The following TPRG1 variants were observed in gnomAD, a reference collection of about 807,000 sequenced individuals.
TPRG1 encodes the protein tumor protein p63-regulated gene 1 protein.
A neutral mutation model predicts 29.3 loss-of-function variants in TPRG1; 29 were observed. That is an observed-to-expected ratio of 0.99 (90% CI 0.74 to 1.35). The LOEUF is 1.35. TPRG1 is among the 40% of genes most tolerant of loss of function. The pLI is 0.00. For missense variants in TPRG1, 327 were observed against 335.0 expected, an observed-to-expected ratio of 0.98 and a Z score of 0.19; for synonymous variants, 130 against 116.8, an observed-to-expected ratio of 1.11 and a Z score of -0.73.
At chr3:189,098,238 G>A (rs544446178), upstream of TPRG1, among the ~76,000 whole-genome samples, 139 of 152,166 alleles carry the variant, frequency 9.1e-4, no homozygotes, top group African/African-American at 3.2e-3. Context: ...TAAAGAAAGA[G>A]GAACTAAGGA....
intron 3 of TPRG1, 53 bp from the exon 4 acceptor site, chr3:189,238,680 C>T (rs540735087): frequency 1.4e-6 from 2 of 1,480,254 alleles, no homozygotes; most frequent in African/African-American, 2.8e-5. Context: ...AAGGTCATTG[C>T]TTTTAACTTA....
At chr3:189,299,875 T>C (rs762913669) in intron 4 of TPRG1, among the ~76,000 whole-genome samples, 3 of 151,906 alleles carry the variant, frequency 2.0e-5, no homozygotes, top group Non-Finnish European at 4.4e-5. Context: ...CTGTGAGGGG[T>C]TGTGGTTTTG....
At chr3:189,310,130 T>C (rs1722248496) in intron 4 of TPRG1, 1 of 249,546 alleles carries the variant, frequency 4.0e-6, no homozygotes, top group South Asian at 1.1e-4. Context: ...TCAATATCCG[T>C]ATTTCCAGCT....
intron 4 of TPRG1, chr3:189,309,859 A>C (rs1722205679): frequency 6.6e-6 from 1 of 152,380 alleles, no homozygotes; most frequent in Admixed American, 6.5e-5. Context: ...CAGAGAATAG[A>C]GGACAATGAG....
At chr3:189,255,927 GTCTA>G (rs1258584281) in intron 4 of TPRG1, among the ~76,000 whole-genome samples, 1 of 151,150 alleles carries the variant, frequency 6.6e-6, no homozygotes, top group African/African-American at 2.4e-5. Flanking sequence ...CTGGCTAGTG[GTCTA>G]TCTATTATGT....
intron 1 of TPRG1, among the ~76,000 whole-genome samples, chr3:189,186,914 A>G (rs149271555): frequency 6.6e-6 from 1 of 150,960 alleles, no homozygotes; most frequent in Non-Finnish European, 1.5e-5. Flanking sequence ...TCAGTCAATT[A>G]TTAGACTTCA....
At chr3:189,071,987 G>A (rs1716837879) in intron 4 of TPRG1, among the ~76,000 whole-genome samples, 1 of 152,190 alleles carries the variant, frequency 6.6e-6, no homozygotes, top group African/African-American at 2.4e-5. Flanking sequence ...GGACAGTAAA[G>A]CTAAGCCTCA....
At chr3:189,312,983 C>T (rs1039315312) in intron 5 of TPRG1, 2 of 151,808 alleles carry the variant, frequency 1.3e-5, no homozygotes, top group Non-Finnish European at 2.9e-5. Flanking sequence ...CAAACTACTT[C>T]GCGGATCTGT....
At chr3:189,312,167 TTCTTTCTTTCTTTC>T (rs1722725966) in intron 5 of TPRG1, among the ~76,000 whole-genome samples, 1 of 73,740 alleles carries the variant, frequency 1.4e-5, no homozygotes, top group African/African-American at 5.5e-5. Flanking sequence ...CTTTCTTTCT[TTCTTTCTTTCTTTC>T]TTTTTTTCTT....
chr3:189,143,920 A>G (rs192374131), intron 3 of TPRG1, among the ~76,000 whole-genome samples: 59 of 152,056 alleles, frequency 3.9e-4, no homozygotes, highest in Non-Finnish European at 6.6e-4. Context: ...GACTTATTCA[A>G]TCATTTCCGG....
At chr3:189,047,134 T>G (rs2152137495) in intron 4 of TPRG1, among the ~76,000 whole-genome samples, 1 of 152,258 alleles carries the variant, frequency 6.6e-6, no homozygotes, top group South Asian at 2.1e-4. Context: ...AAGAGATATA[T>G]CATATATATT....
intron 3 of TPRG1, among the ~76,000 whole-genome samples, chr3:189,136,801 C>G (rs909416416): frequency 6.6e-6 from 1 of 152,104 alleles, no homozygotes. Flanking sequence ...CATTCCCAGT[C>G]TAGGCAATAA....
At chr3:189,099,694 T>A (rs1395265979), upstream of TPRG1, among the ~76,000 whole-genome samples, 1 of 152,028 alleles carries the variant, frequency 6.6e-6, no homozygotes, top group Non-Finnish European at 1.5e-5. Flanking sequence ...CTCAATTGCT[T>A]AAAATGGAAA....
At chr3:189,210,721 G>A (rs1324006895) in intron 2 of TPRG1, among the ~76,000 whole-genome samples, 3 of 152,222 alleles carry the variant, frequency 2.0e-5, no homozygotes, top group African/African-American at 7.2e-5. Context: ...GCCAAGAGAA[G>A]GGGGAGTCGC....
chr3:189,185,778 A>G (rs1456176884), intron 1 of TPRG1, among the ~76,000 whole-genome samples: 1 of 152,146 alleles, frequency 6.6e-6, no homozygotes, highest in Non-Finnish European at 1.5e-5. Context: ...AGCCCCCTTT[A>G]ACATTTTAAT....
chr3:189,219,582 G>A (rs1426770893), intron 3 of TPRG1: 1 of 1,282,530 alleles, frequency 7.8e-7, no homozygotes, highest in Non-Finnish European at 1.0e-6. Flanking sequence ...GATCCATTAA[G>A]CCAGCACCAA....
At chr3:189,206,861 CTT>C (rs745889567) in intron 1 of TPRG1, among the ~76,000 whole-genome samples, 2 of 141,458 alleles carry the variant, frequency 1.4e-5, no homozygotes, top group Non-Finnish European at 3.0e-5. Context: ...GTGTGTGAGT[CTT>C]TGGGTATTCG....
chr3:189,291,962 G>C (rs1377693396), intron 4 of TPRG1, among the ~76,000 whole-genome samples: 1 of 152,166 alleles, frequency 6.6e-6, no homozygotes, highest in African/African-American at 2.4e-5. Flanking sequence ...ATCAATGGCT[G>C]ACATTTCAGG....
chr3:189,262,249 T>TAAGTATAA (rs1560619889), intron 4 of TPRG1, among the ~76,000 whole-genome samples: 2 of 150,230 alleles, frequency 1.3e-5, no homozygotes, highest in Non-Finnish European at 2.9e-5. Context: ...AGTATAAGTA[T>TAAGTATAA]AAGTATAAGA....
Sources: gnomAD v4.1 joint callset for allele counts (sites outside exome capture counted in the v4.1 genomes callset) on GRCh38, gnomAD v4.1.1 for gene constraint, MANE v1.5 for transcripts, NCBI Gene and HGNC (gene_info 2026-07-23, HGNC 2026-07-21) for gene names.